RB1CC1: variants seen among roughly 807,000 people sequenced by gnomAD.
RB1CC1 encodes RB1 inducible coiled-coil 1.
Under a neutral mutation model 177.5 loss-of-function variants are expected in RB1CC1, and 46 were observed. The observed-to-expected ratio is 0.26, with a 90% CI of 0.20 to 0.33. RB1CC1 has a LOEUF of 0.33. Ranked by LOEUF, RB1CC1 falls within the 10% of genes least tolerant of loss-of-function variation. The pLI is 1.00. For synonymous variants in RB1CC1, 666 were observed against 613.6 expected (o/e 1.09, Z -1.26); for missense variants, 1,703 against 1,816.3 (o/e 0.94, Z 1.13).
chr8:52,713,891 GC>G (rs978394139), intron 1 of RB1CC1, among the ~76,000 whole-genome samples, 183 bp downstream of exon 1: 1 of 152,182 alleles, frequency 6.6e-6, no homozygotes, highest in African/African-American at 2.4e-5. Context: ...CGGGAAAGCG[GC>G]CAGTGGGCAA....
intron 20 of RB1CC1, 33 bp from the exon 21 acceptor site, chr8:52,630,561 C>G (rs987657138): frequency 5.2e-6 from 8 of 1,532,580 alleles, no homozygotes; most frequent in African/African-American, 1.4e-5. Flanking sequence ...TGAACTTACA[C>G]AATTTGAGTA....
intron 20 of RB1CC1, among the ~76,000 whole-genome samples, chr8:52,634,642 T>G (rs764033022): frequency 4.6e-5 from 7 of 152,210 alleles, no homozygotes; most frequent in Non-Finnish European, 7.3e-5. Flanking sequence ...TTTAAGAATC[T>G]TAGGTGCTTC....
Position 52,676,548 on chromosome 8 carries a change from T to A in RB1CC1, c.393A>T (p.Lys131Asn). 6.2e-7 allele frequency: 1 copy of A among 1,605,338 alleles called. No individual in the cohort carries two copies. Among genetic ancestry groups the A allele is most frequent in the Non-Finnish European group, 8.5e-7 (1 of 1,177,604 alleles). ...CAAGACCTTCACAAAAAGAACAAAG[T>A]TTCTTGGCAACTTCATACATTTCCT... Reference protein sequence around the residue: ...LALEMYEVAKKLCSFCEGLVH... With the variant: ...LALEMYEVAKNLCSFCEGLVH... The change falls in exon 6 of 24, where the codon AAA (lysine) becomes AAT (asparagine). Residue 131 changes from lysine (K) to asparagine (N), a missense_variant. By Grantham distance (94) the Lys-to-Asn change is moderately conservative. Around this residue, in one of 6 missense-constraint regions of RB1CC1, gnomAD observed 315 missense variants for 304.9 expected, o/e 1.03. Transcript: ENST00000025008.
chr8:52,688,142 G>C (rs976407000), intron 1 of RB1CC1, among the ~76,000 whole-genome samples: 1 of 152,148 alleles, frequency 6.6e-6, no homozygotes, highest in African/African-American at 2.4e-5. Flanking sequence ...TGTAAAACAT[G>C]TGTGTTTGAA....
At chr8:52,645,677 A>G in intron 16 of RB1CC1, 25 bp downstream of exon 16, 1 of 1,596,794 alleles carries the variant, frequency 6.3e-7, no homozygotes, top group Non-Finnish European at 8.5e-7. Flanking sequence ...TAGTTCTCAA[A>G]TGAAATGGGA....
intron 15 of RB1CC1, among the ~76,000 whole-genome samples, chr8:52,647,492 T>C (rs972355787): frequency 1.3e-5 from 2 of 152,164 alleles, no homozygotes; most frequent in Non-Finnish European, 2.9e-5. Context: ...ACTGACATAC[T>C]ACATAAATCA....
chr8:52,643,983 A>C (rs1189407514), intron 16 of RB1CC1, among the ~76,000 whole-genome samples: 1 of 152,066 alleles, frequency 6.6e-6, no homozygotes, highest in Admixed American at 6.6e-5. Context: ...ATACAGGAAG[A>C]TCTCTCAAAA....
rs548584517 is a variant in RB1CC1 at position 52,635,004 on chromosome 8, T to C, written c.4393-36A>G. 207 of 1,546,842 alleles carry C rather than the reference T, an allele frequency of 1.3e-4. 2 individuals are homozygous for C. In the South Asian group the frequency reaches 2.2e-3, roughly 17 times the overall value. Reference sequence around the variant, plus strand: ...AAAAAAGAGACCTGTGGTTTATCCTTGTACCTACTCAAATAAATCTAAACA... The same window carrying C: ...AAAAAAGAGACCTGTGGTTTATCCTCGTACCTACTCAAATAAATCTAAACA... On this transcript the variant is annotated intron_variant, in intron 19 of 23. Transcript: ENST00000025008.
At chr8:52,708,819 C>A (rs1856817023) in intron 1 of RB1CC1, among the ~76,000 whole-genome samples, 2 of 152,136 alleles carry the variant, frequency 1.3e-5, no homozygotes, top group Admixed American at 1.3e-4. Context: ...ACATTATCTC[C>A]ATTGATGCGG....
chr8:52,645,571 A>G (rs1849943467), intron 16 of RB1CC1, 131 bp downstream of exon 16: 4 of 965,614 alleles, frequency 4.1e-6, no homozygotes, highest in Non-Finnish European at 5.8e-6. Context: ...GAGGAAATTT[A>G]TTAACAGGAT....
At chr8:52,631,903 T>C (rs971837839) in intron 20 of RB1CC1, among the ~76,000 whole-genome samples, 4 of 152,304 alleles carry the variant, frequency 2.6e-5, no homozygotes, top group Middle Eastern at 3.4e-3. Context: ...TAGCAAACAC[T>C]ACTACTCTGG....
chr8:52,692,133 C>G (rs533715138), intron 1 of RB1CC1, among the ~76,000 whole-genome samples: 1 of 152,240 alleles, frequency 6.6e-6, no homozygotes, highest in East Asian at 1.9e-4. Context: ...GGTGTGAACA[C>G]AGGTCAATAA....
chr8:52,701,172 G>A (rs908423310), intron 1 of RB1CC1, among the ~76,000 whole-genome samples: 1 of 151,492 alleles, frequency 6.6e-6, no homozygotes, highest in Non-Finnish European at 1.5e-5. Context: ...GCCCAGGCTA[G>A]AGTGCAATGG....
At chr8:52,647,719 T>C (rs1191443755) in intron 15 of RB1CC1, among the ~76,000 whole-genome samples, 4 of 151,960 alleles carry the variant, frequency 2.6e-5, no homozygotes, top group Admixed American at 6.6e-5. Flanking sequence ...AGCACTGAGG[T>C]TGGAGATGTG....
chr8:52,665,636 A>C (rs1852004904), intron 8 of RB1CC1, among the ~76,000 whole-genome samples: 1 of 152,208 alleles, frequency 6.6e-6, no homozygotes, highest in Admixed American at 6.5e-5. Context: ...AAGAAGCAAA[A>C]GATCAGGAAT....
chr8:52,695,225 C>T (rs1012239698), intron 1 of RB1CC1, among the ~76,000 whole-genome samples: 3 of 152,150 alleles, frequency 2.0e-5, no homozygotes, highest in African/African-American at 7.2e-5. Context: ...GTAAAAAGTA[C>T]TTTAGAAATA....
In RB1CC1 at chr8:52,623,589, C is replaced by T. The variant is rs1848187261; in HGVS notation, c.*193G>A. ...CCAAAAAACAAAAACCATTTTAATT[C>T]AGCCAAGGATTCTGATGAATTTATT... On this transcript the variant is annotated 3_prime_UTR_variant, in exon 24 of 24. Coordinates refer to ENST00000025008, the MANE Select transcript of RB1CC1 (RefSeq NM_014781.5). 3.4e-6 allele frequency: 2 copies of T among 596,460 alleles called. No homozygotes were observed. Among genetic ancestry groups the T allele is most frequent in the Non-Finnish European group, 6.1e-6 (2 of 325,236 alleles). 36.9% of individuals were successfully genotyped at this position (596,460 alleles called of 1,614,324 possible).
rs1224350718 is a variant in RB1CC1, at chr8:52,657,912, G to T, written c.1921-4C>A. The T allele has an allele frequency of 6.2e-7, 1 of 1,612,514 alleles. No individual in the cohort carries two copies. Among genetic ancestry groups the T allele is most frequent in the African/African-American group, 1.3e-5 (1 of 74,746 alleles). Reference sequence around the variant, plus strand: ...GGGATGTCTGACTCACAGATGCCTGGAAAACAGAAAGAAAGGCTTAAAGAG... The same window carrying T: ...GGGATGTCTGACTCACAGATGCCTGTAAAACAGAAAGAAAGGCTTAAAGAG... On this transcript the variant is annotated splice_region_variant and splice_polypyrimidine_tract_variant and intron_variant, in intron 14 of 23. Transcript: ENST00000025008.
In RB1CC1 at chr8:52,684,004, G is replaced by A; in HGVS notation, c.81C>T (p.Asp27=). Residue 27 remains aspartate, a synonymous_variant, in exon 4 of 24, where the codon GAC becomes GAT. Transcript: ENST00000025008. ...DTELTVQTVA[D]LKHAIQSKYK... The stretch of plus-strand genomic sequence containing the variant: ...ATTTGCTTTGAATGGCATGCTTAAG[G>A]TCTGCCACACTTCAAAAAATGAAAT... 1.2e-6 allele frequency: 2 copies of A among 1,608,380 alleles called. No individual in the cohort carries two copies. The highest frequency in any genetic ancestry group is 1.7e-4 in the Middle Eastern group (1 of 6,026).
Sources: allele counts gnomAD v4.1 joint callset (sites outside exome capture counted in the v4.1 genomes callset), GRCh38; gene constraint gnomAD v4.1.1; regional missense constraint gnomAD v4.1.1; transcripts MANE v1.5; gene names NCBI Gene and HGNC (gene_info 2026-07-23, HGNC 2026-07-21).